STXBP4: variants seen among roughly 807,000 people sequenced by gnomAD.
STXBP4 encodes the protein syntaxin binding protein 4.
STXBP4 carries 55 observed loss-of-function variants against 76.1 expected under a neutral mutation model. The ratio of observed to expected loss-of-function variants is 0.72; its 90% CI spans 0.58 to 0.91. The LOEUF (loss-of-function observed/expected upper bound fraction) is 0.91, where lower values mean the gene tolerates loss of function less well. Among genes scored for constraint, STXBP4 ranks in the 40% least tolerant of loss-of-function variants. The pLI, the probability that STXBP4 is intolerant of heterozygous loss-of-function variation, is 0.00. For synonymous variants in STXBP4, 201 were observed against 220.2 expected (o/e 0.91, Z 0.77); for missense variants, 618 against 636.9 (o/e 0.97, Z 0.32).
intron 12 of STXBP4, among the ~76,000 whole-genome samples, chr17:55,050,667 T>TTTTG (rs1011794502): frequency 1.3e-5 from 2 of 152,086 alleles, no homozygotes; most frequent in Admixed American, 6.6e-5. Context: ...ATGGTATTCT[T>TTTTG]TTTGTTTGTT....
At chr17:55,105,756 G>A (rs1206080641) in intron 16 of STXBP4, among the ~76,000 whole-genome samples, 1 of 152,080 alleles carries the variant, frequency 6.6e-6, no homozygotes, top group Non-Finnish European at 1.5e-5. Context: ...GGGATTACAG[G>A]CATGAGCCAC....
chr17:55,022,177 A>T (rs2078324809), intron 8 of STXBP4, among the ~76,000 whole-genome samples: 1 of 152,008 alleles, frequency 6.6e-6, no homozygotes, highest in Non-Finnish European at 1.5e-5. Context: ...ATACCAAAAT[A>T]TTAATAGTGG....
chr17:55,165,574 A>G lies in STXBP4; in HGVS notation c.*5663A>G, dbSNP rs557265670. On this transcript the variant is annotated 3_prime_UTR_variant, in exon 18 of 18. Transcript: ENST00000376352. The stretch of plus-strand genomic sequence containing the variant: ...TCCATTCAATCCACATGTTCTCTCA[A>G]TGGAAATCAATTCGGACAATAACAT... 1 of 152,352 alleles carries G rather than the reference A, an allele frequency of 6.6e-6. No homozygotes were observed. Among genetic ancestry groups the G allele is most frequent in the South Asian group, 2.1e-4 (1 of 4,830 alleles). The allele number at this position is 152,352 out of a possible 1,614,324, so 9.4% of individuals were successfully genotyped here.
At chr17:55,182,156 A>G in the STXBP4 span, among the ~76,000 whole-genome samples, 2 of 66,008 alleles carry the variant, frequency 3.0e-5, no homozygotes, top group Non-Finnish European at 9.1e-5. Context: ...AAGACAAGGC[A>G]AGAATCAAGA....
intron 13 of STXBP4, among the ~76,000 whole-genome samples, chr17:55,076,771 G>A (rs1456994992): frequency 6.6e-6 from 1 of 152,062 alleles, no homozygotes; most frequent in South Asian, 2.1e-4. Context: ...GTGTAATTCA[G>A]ATTGGATGTG....
At chr17:55,007,697 T>G in intron 8 of STXBP4, 100 bp downstream of exon 8, 1 of 841,566 alleles carries the variant, frequency 1.2e-6, no homozygotes, top group Non-Finnish European at 1.9e-6. Context: ...ATTAGTTTCT[T>G]GAAGTTACTT....
intron 12 of STXBP4, among the ~76,000 whole-genome samples, chr17:55,056,118 G>A (rs952046853): frequency 2.6e-5 from 4 of 152,020 alleles, no homozygotes; most frequent in African/African-American, 9.7e-5. Flanking sequence ...TATAATGAAA[G>A]CCACAATATA....
chr17:55,120,929 G>C (rs1174212737), intron 16 of STXBP4, among the ~76,000 whole-genome samples: 1 of 152,134 alleles, frequency 6.6e-6, no homozygotes, highest in African/African-American at 2.4e-5. Context: ...CACAGAAGTG[G>C]TGCCATTTTC....
In STXBP4 at chr17:55,128,776, C is replaced by T. The variant is rs538856176; in HGVS notation, c.1490-12534C>T. Among the ~76,000 whole-genome samples, 25 of 152,106 alleles carry T rather than the reference C, an allele frequency of 1.6e-4. No homozygotes were observed. The East Asian group carries it at 2.7e-3, about 17-fold the overall frequency. On this transcript the variant is annotated intron_variant, in intron 16 of 17. Transcript: ENST00000376352. ...GATTACAGGCACCTGCCATCATGCCCGGCTACTTTTACTATTTTTGTAGAG... is the reference window on the plus strand; with the variant it reads ...GATTACAGGCACCTGCCATCATGCCTGGCTACTTTTACTATTTTTGTAGAG...
the STXBP4 span, among the ~76,000 whole-genome samples, chr17:55,190,044 G>A: frequency 3.3e-5 from 5 of 152,144 alleles, no homozygotes; most frequent in African/African-American, 1.2e-4. Flanking sequence ...CTTTCTAAAC[G>A]GGGAAAAAAT....
chr17:54,975,691 T>C (rs1314558978), intron 1 of STXBP4, among the ~76,000 whole-genome samples: 1 of 152,168 alleles, frequency 6.6e-6, no homozygotes, highest in Admixed American at 6.5e-5. Flanking sequence ...ACTCCAAACT[T>C]GCTACCATAG....
At chr17:55,135,695 T>C (rs2080021301) in intron 16 of STXBP4, among the ~76,000 whole-genome samples, 1 of 152,134 alleles carries the variant, frequency 6.6e-6, no homozygotes, top group South Asian at 2.1e-4. Context: ...ATTGTAAACA[T>C]GTAATGTCTC....
intron 17 of STXBP4, among the ~76,000 whole-genome samples, chr17:55,159,313 AAAC>A (rs2080314661): frequency 6.6e-6 from 1 of 152,246 alleles, no homozygotes; most frequent in Non-Finnish European, 1.5e-5. Flanking sequence ...GCAGCTAAAA[AAAC>A]AAAGTATTTC....
At chr17:55,003,911 T>C (rs577723129) in intron 7 of STXBP4, among the ~76,000 whole-genome samples, 1 of 152,018 alleles carries the variant, frequency 6.6e-6, no homozygotes, top group African/African-American at 2.4e-5. Flanking sequence ...GTGGCTCACA[T>C]CTGTAATCCC....
At chr17:55,159,191 A>T (rs1210190294) in intron 17 of STXBP4, among the ~76,000 whole-genome samples, 1 of 152,208 alleles carries the variant, frequency 6.6e-6, no homozygotes, top group Non-Finnish European at 1.5e-5. Context: ...GGTTACAGTG[A>T]TCTGAGATTG....
intron 12 of STXBP4, 41 bp downstream of exon 12, chr17:55,047,195 T>A (rs376558664): frequency 2.0e-6 from 2 of 985,196 alleles, no homozygotes; most frequent in African/African-American, 1.7e-5. Context: ...CGTGTGTGTG[T>A]GTGTGTGTGT....
intron 8 of STXBP4, among the ~76,000 whole-genome samples, chr17:55,011,763 A>C (rs2078118702): frequency 6.6e-6 from 1 of 152,048 alleles, no homozygotes; most frequent in Non-Finnish European, 1.5e-5. Flanking sequence ...CTGTGTTTAA[A>C]AGTGAATGTG....
intron 16 of STXBP4, among the ~76,000 whole-genome samples, chr17:55,082,796 T>C (rs1310387552): frequency 1.3e-5 from 2 of 151,964 alleles, no homozygotes; most frequent in African/African-American, 4.8e-5. Context: ...AAGAACTGCA[T>C]AACAGGGAGA....
intron 16 of STXBP4, among the ~76,000 whole-genome samples, chr17:55,135,663 G>C (rs906778188): frequency 1.1e-4 from 17 of 151,954 alleles, no homozygotes; most frequent in African/African-American, 4.1e-4. Flanking sequence ...CTGCAGTTCA[G>C]ACCTACAAAT....
Sources: allele counts gnomAD v4.1 joint callset (sites outside exome capture counted in the v4.1 genomes callset), GRCh38; gene constraint gnomAD v4.1.1; transcripts MANE v1.5; gene names NCBI Gene and HGNC (gene_info 2026-07-23, HGNC 2026-07-21).